DDX31: variants seen among roughly 807,000 people sequenced by gnomAD.
DDX31 encodes the protein ATP-dependent DNA helicase DDX31.
In DDX31, 70 loss-of-function variants were observed where a neutral mutation model predicts 91.3. The ratio of observed to expected loss-of-function variants is 0.77; its 90% CI spans 0.63 to 0.94. DDX31 has a LOEUF of 0.94. Ranked by LOEUF, DDX31 falls within the 40% of genes least tolerant of loss-of-function variation. The pLI is 0.00. For missense variants in DDX31, 902 were observed against 925.0 expected (o/e 0.98, Z 0.32); for synonymous variants, 362 against 350.6 (o/e 1.03, Z -0.36).
chr9:132,629,026 T>TA (rs1832566640), intron 16 of DDX31, among the ~76,000 whole-genome samples: 2 of 152,212 alleles, frequency 1.3e-5, no homozygotes, highest in African/African-American at 4.8e-5. Context: ...GGGTTCCTGG[T>TA]ACACCCGCCC....
intron 19 of DDX31, among the ~76,000 whole-genome samples, chr9:132,603,405 T>G (rs1830829451): frequency 1.3e-5 from 2 of 151,916 alleles, no homozygotes; most frequent in Non-Finnish European, 2.9e-5. Flanking sequence ...TGTGGAGGGG[T>G]CCGGGATACA....
At position 132,630,306 on chromosome 9, in the gene DDX31, G is replaced by A. The variant is rs1038638187; in HGVS notation, c.1589C>T (p.Ser530Leu). The A allele has an allele frequency of 2.1e-5, 33 of 1,595,112 alleles. No homozygotes were observed. Among genetic ancestry groups the A allele is most frequent in the Non-Finnish European group, 2.5e-5 (29 of 1,164,730 alleles). The change falls in exon 16 of 20, where the codon TCG becomes TTG. Residue 530 changes from serine to leucine, a missense_variant. Ser to Leu is a moderately radical substitution (Grantham distance 145, BLOSUM62 -2). Coordinates refer to ENST00000372159, the MANE Select transcript of DDX31 (RefSeq NM_022779.9). ...HGSSLLILAP[S>L]EAEYVNSLAS... ...CAACGAGTTGACATATTCTGCCTCC[G>A]AAGGAGCCAAAATGAGCAGGCTGCT...
chr9:132,652,813 G>A (rs990691857), intron 6 of DDX31, among the ~76,000 whole-genome samples: 2 of 152,126 alleles, frequency 1.3e-5, no homozygotes, highest in African/African-American at 4.8e-5. Context: ...AGGGGTTTCT[G>A]CTTTTGCGTC....
chr9:132,624,912 C>T (rs1427335513), intron 17 of DDX31, among the ~76,000 whole-genome samples: 1 of 152,220 alleles, frequency 6.6e-6, no homozygotes, highest in Admixed American at 6.5e-5. Flanking sequence ...AACTCTTAAG[C>T]TTGATCTATC....
chr9:132,625,622 T>C (rs1243550337), intron 17 of DDX31, 42 bp downstream of exon 17: 1 of 1,497,610 alleles, frequency 6.7e-7, no homozygotes, highest in Non-Finnish European at 9.3e-7. Context: ...ATCAAGTGAG[T>C]CACATCTGTT....
intron 15 of DDX31, among the ~76,000 whole-genome samples, chr9:132,631,257 A>T (rs1340169312): frequency 6.6e-6 from 1 of 152,236 alleles, no homozygotes; most frequent in East Asian, 1.9e-4. Context: ...ATATTAAATG[A>T]ATCAATATTC....
intron 14 of DDX31, chr9:132,638,449 T>G (rs925157045): frequency 6.3e-7 from 1 of 1,593,396 alleles, no homozygotes; most frequent in African/African-American, 1.3e-5. Context: ...CTTGGGAAAG[T>G]GGGCTTTGAA....
At chr9:132,622,803 T>A (rs1487095107) in intron 17 of DDX31, among the ~76,000 whole-genome samples, 1 of 152,230 alleles carries the variant, frequency 6.6e-6, no homozygotes, top group Non-Finnish European at 1.5e-5. Flanking sequence ...CTTGTATGAC[T>A]ACAAATAATC....
intron 19 of DDX31, among the ~76,000 whole-genome samples, chr9:132,607,500 A>G (rs1831090396): frequency 6.6e-6 from 1 of 152,206 alleles, no homozygotes; most frequent in Non-Finnish European, 1.5e-5. Context: ...GAACAACACT[A>G]GAAAGGCAGG....
intron 14 of DDX31, chr9:132,638,209 C>G: frequency 6.6e-7 from 1 of 1,509,924 alleles, no homozygotes; most frequent in Non-Finnish European, 8.9e-7. Flanking sequence ...AGGACAGCCA[C>G]CGGAGACCAA....
At chr9:132,668,884 C>T (rs958605482) in intron 1 of DDX31, among the ~76,000 whole-genome samples, 2 of 152,178 alleles carry the variant, frequency 1.3e-5, no homozygotes, top group Non-Finnish European at 2.9e-5. Flanking sequence ...TGGTTTTATA[C>T]ATTCTAGAGA....
intron 19 of DDX31, among the ~76,000 whole-genome samples, chr9:132,608,605 G>A (rs1293124074): frequency 6.6e-6 from 1 of 152,134 alleles, no homozygotes; most frequent in South Asian, 2.1e-4. Context: ...TTGGTTTGCA[G>A]ATATCACAGG....
intron 15 of DDX31, among the ~76,000 whole-genome samples, chr9:132,631,201 C>G (rs964618631): frequency 2.0e-5 from 3 of 152,184 alleles, no homozygotes; most frequent in Non-Finnish European, 4.4e-5. Flanking sequence ...CTACACATAT[C>G]AGAGAGATGA....
chr9:132,666,296 C>G (rs1305760948), intron 1 of DDX31, among the ~76,000 whole-genome samples: 7 of 151,582 alleles, frequency 4.6e-5, no homozygotes, highest in Non-Finnish European at 4.4e-5. Flanking sequence ...GCACCTTATT[C>G]CAGACTGTCT....
intron 14 of DDX31, among the ~76,000 whole-genome samples, chr9:132,634,973 G>A (rs1169526530): frequency 6.6e-6 from 1 of 151,968 alleles, no homozygotes. Flanking sequence ...CCACACCCCT[G>A]CCTTTGATTG....
chr9:132,612,440 C>T, intron 18 of DDX31, 185 bp from the exon 19 acceptor site: 1 of 587,078 alleles, frequency 1.7e-6, no homozygotes, highest in Non-Finnish European at 2.9e-6. Context: ...TCCTAAACAA[C>T]AAAAAGAAAA....
chr9:132,631,505 A>G (rs80213394), intron 15 of DDX31, among the ~76,000 whole-genome samples: 1 of 152,196 alleles, frequency 6.6e-6, no homozygotes, highest in South Asian at 2.1e-4. Flanking sequence ...CCCAGCCCCG[A>G]CACAAAAGGG....
chr9:132,615,246 T>G (rs184780981), intron 18 of DDX31, among the ~76,000 whole-genome samples: 81 of 152,276 alleles, frequency 5.3e-4, no homozygotes, highest in African/African-American at 1.9e-3. Context: ...CCTGGACATT[T>G]GGATCAGAAA....
chr9:132,666,979 C>T (rs979034262), intron 1 of DDX31, among the ~76,000 whole-genome samples: 13 of 151,540 alleles, frequency 8.6e-5, no homozygotes, highest in Admixed American at 6.6e-4. Context: ...TCCCAAAGTG[C>T]TGGGATTACA....
Sources: gnomAD v4.1 joint callset for allele counts (sites outside exome capture counted in the v4.1 genomes callset) on GRCh38, gnomAD v4.1.1 for gene constraint, MANE v1.5 for transcripts, NCBI Gene and HGNC (gene_info 2026-07-23, HGNC 2026-07-21) for gene names.